Variants in KAZN observed in about 807,000 individuals in gnomAD.
KAZN encodes the protein kazrin.
Under a neutral mutation model 87.4 loss-of-function variants are expected in KAZN, and 40 were observed. The observed-to-expected ratio is 0.46, with a 90% CI of 0.36 to 0.60. The LOEUF (loss-of-function observed/expected upper bound fraction) is 0.60. KAZN is among the 20% of genes least tolerant of loss of function. The pLI is 0.00. For synonymous variants in KAZN, 466 were observed against 458.3 expected, an observed-to-expected ratio of 1.02 and a Z score of -0.22; for missense variants, 898 against 1,073.9, an observed-to-expected ratio of 0.84 and a Z score of 2.29.
rs1188892563 is a variant in KAZN at position 14,914,054 on chromosome 1, C to T, written c.227-46630C>T. On this transcript the variant is annotated intron_variant, in intron 1 of 14. Coordinates refer to ENST00000376030, the MANE Select transcript of KAZN (RefSeq NM_201628.3). The stretch of plus-strand genomic sequence containing the variant: ...CAGAGGGCATGAAGACCTAGCAGCC[C>T]TTCTGGGCAGGGCAGTGGCCCTCAG... Among the ~76,000 whole-genome samples, 4 of 152,246 alleles carry T rather than the reference C, an allele frequency of 2.6e-5. No homozygotes were observed. The South Asian group carries it at 8.3e-4, about 31-fold the overall frequency.
At chr1:13,899,907 G>A (rs1639184002) in intron 1 of KAZN, among the ~76,000 whole-genome samples, 1 of 152,118 alleles carries the variant, frequency 6.6e-6, no homozygotes, top group African/African-American at 2.4e-5. Flanking sequence ...GCCTCCCAAA[G>A]TGTGCCCGGC....
intron 1 of KAZN, among the ~76,000 whole-genome samples, chr1:13,961,786 A>G (rs1641762965): frequency 6.6e-6 from 1 of 152,214 alleles, no homozygotes. Flanking sequence ...ATTAGCAGCC[A>G]GGATCCACGT....
chr1:14,204,781 G>A (rs752117253), intron 2 of KAZN, among the ~76,000 whole-genome samples: 1 of 152,202 alleles, frequency 6.6e-6, no homozygotes, highest in Non-Finnish European at 1.5e-5. Flanking sequence ...GCATATTTCA[G>A]CTGGCATAAT....
chr1:14,558,784 G>A lies in KAZN; in HGVS notation c.250-40199G>A, dbSNP rs1037845989. On this transcript the variant is annotated intron_variant, in intron 2 of 16. Coordinates refer to the KAZN transcript ENST00000636203. ...TCTATCATCTAGCCTAGAGTATCTA[G>A]GTCTAGAGTAGGCTGTTCCGGTTAA... is the stretch of plus-strand genomic sequence containing the variant. Among the ~76,000 whole-genome samples the A allele has an allele frequency of 3.9e-5, 6 of 152,236 alleles. No homozygotes were observed. The East Asian group carries it at 5.8e-4, about 15-fold the overall frequency.
Position 14,485,014 on chromosome 1 carries a change from G to A in KAZN, c.250-113969G>A, listed in dbSNP as rs573925444. On this transcript the variant is annotated intron_variant, in intron 2 of 16. Coordinates refer to the KAZN transcript ENST00000636203. ...CCACCACATACAATGAAGAGGTTGT[G>A]CAAACTTACATTGCAAAGGGTTTAG... is the stretch of plus-strand genomic sequence containing the variant. 1.6e-4 allele frequency among the ~76,000 whole-genome samples: 25 copies of A among 152,302 alleles called. 1 individual carries two copies. The highest frequency in any genetic ancestry group is 1.5e-3 in the South Asian group (7 of 4,824).
intron 3 of KAZN, among the ~76,000 whole-genome samples, chr1:15,037,402 G>A (rs879607093): frequency 6.6e-6 from 1 of 152,130 alleles, no homozygotes; most frequent in African/African-American, 2.4e-5. Flanking sequence ...AGACAGATAG[G>A]TTAGCATCTC....
At chr1:14,928,834 A>C (rs1009942252) in intron 1 of KAZN, among the ~76,000 whole-genome samples, 4 of 152,162 alleles carry the variant, frequency 2.6e-5, no homozygotes, top group Non-Finnish European at 5.9e-5. Flanking sequence ...GCTGAGATCC[A>C]TTTCCCTGAG....
In KAZN at chr1:15,097,540, C is replaced by T. The variant is rs182750787; in HGVS notation, c.1547+2607C>T. On this transcript the variant is annotated intron_variant, in intron 10 of 14. Transcript: ENST00000376030. ...CTCCCATTTTAAAGATGGAGAAGGC[C>T]GGGTACGATGGCTCACACCTGTAAT... is the stretch of plus-strand genomic sequence containing the variant. Among the ~76,000 whole-genome samples the T allele has an allele frequency of 1.3e-3, 191 of 152,178 alleles. 2 individuals are homozygous for T. The South Asian group carries it at 0.023, about 19-fold the overall frequency.
At chr1:14,028,309 G>A (rs1201138244) in intron 1 of KAZN, among the ~76,000 whole-genome samples, 10 of 152,172 alleles carry the variant, frequency 6.6e-5, no homozygotes, top group African/African-American at 9.7e-5. Context: ...ATGATCCAGC[G>A]TCATGCTTTT....
intron 2 of KAZN, among the ~76,000 whole-genome samples, chr1:14,381,223 T>C (rs1204831125): frequency 6.6e-6 from 1 of 152,200 alleles, no homozygotes; most frequent in Non-Finnish European, 1.5e-5. Flanking sequence ...TTTACATATA[T>C]GTGCACCCAA....
intron 1 of KAZN, among the ~76,000 whole-genome samples, chr1:13,988,342 A>T (rs1639118551): frequency 6.6e-6 from 1 of 152,162 alleles, no homozygotes; most frequent in South Asian, 2.1e-4. Context: ...GCTGTAACAC[A>T]CAACTGGAAA....
intron 2 of KAZN, among the ~76,000 whole-genome samples, chr1:14,364,013 A>G (rs1453996260): frequency 2.0e-5 from 3 of 150,182 alleles, no homozygotes; most frequent in Non-Finnish European, 4.4e-5. Flanking sequence ...ATAGCAGGTA[A>G]TGTTTCTTAC....
At chr1:14,429,436 G>A (rs529252206) in intron 2 of KAZN, among the ~76,000 whole-genome samples, 12 of 152,176 alleles carry the variant, frequency 7.9e-5, no homozygotes, top group Admixed American at 1.3e-4. Context: ...ACTAGCTGTC[G>A]GACACTCAGC....
chr1:14,213,314 T>G (rs1646893559), intron 2 of KAZN, among the ~76,000 whole-genome samples: 1 of 152,164 alleles, frequency 6.6e-6, no homozygotes, highest in South Asian at 2.1e-4. Context: ...TAAGACTCCC[T>G]CTTCCTCCCA....
intron 2 of KAZN, among the ~76,000 whole-genome samples, chr1:14,520,307 C>T (rs1571852379): frequency 6.6e-6 from 1 of 152,164 alleles, no homozygotes; most frequent in African/African-American, 2.4e-5. Context: ...GGCCACAGCC[C>T]AATGGAGGAG....
At chr1:14,721,117 G>A (rs1369762776) in intron 1 of KAZN, among the ~76,000 whole-genome samples, 2 of 152,210 alleles carry the variant, frequency 1.3e-5, no homozygotes, top group African/African-American at 4.8e-5. Context: ...GAACCATGAA[G>A]CCCTGTTGAT....
chr1:15,096,345 G>C lies in KAZN; in HGVS notation c.1547+1412G>C, dbSNP rs929906944. Among the ~76,000 whole-genome samples the C allele has an allele frequency of 4.6e-5, 7 of 152,324 alleles. No homozygotes were observed. The highest frequency in any genetic ancestry group is 3.9e-4 in the East Asian group (2 of 5,186). ...TCTTTTCATAGATTACTTTTGTAGT[G>C]GGGGCAAGGGCAGAAAAACAAAAAC... On this transcript the variant is annotated intron_variant, in intron 10 of 14. Coordinates refer to ENST00000376030, the MANE Select transcript of KAZN (RefSeq NM_201628.3). This position sits in a 1 kb window ranked among gnomAD's most constrained non-coding sequence, Gnocchi z 4.5.
chr1:13,912,519 G>A (rs1193856676), intron 1 of KAZN, among the ~76,000 whole-genome samples: 3 of 152,156 alleles, frequency 2.0e-5, no homozygotes, highest in African/African-American at 7.2e-5. Flanking sequence ...AGCTCATGTT[G>A]ACACCCATTT....
intron 2 of KAZN, among the ~76,000 whole-genome samples, chr1:14,991,310 G>A (rs549274389): frequency 2.6e-5 from 4 of 151,410 alleles, no homozygotes; most frequent in Non-Finnish European, 4.4e-5. Flanking sequence ...AGCCTAGATC[G>A]CACCACTGCA....
Sources: allele counts gnomAD v4.1 joint callset (sites outside exome capture counted in the v4.1 genomes callset), GRCh38; gene constraint gnomAD v4.1.1; non-coding constraint Gnocchi (gnomAD v3.1); transcripts MANE v1.5; gene names NCBI Gene and HGNC (gene_info 2026-07-23, HGNC 2026-07-21).